The following GABBR2 variants were observed in gnomAD, a reference collection of about 807,000 sequenced individuals.
GABBR2 encodes the protein G-protein coupled receptor 51.
In GABBR2, 23 loss-of-function variants were observed where a neutral mutation model predicts 105.6. The ratio of observed to expected loss-of-function variants is 0.22; its 90% confidence interval spans 0.16 to 0.31. The LOEUF is 0.31. Ranked by LOEUF, GABBR2 falls within the 10% of genes least tolerant of loss-of-function variation. The probability of loss-of-function intolerance (pLI) is 1.00; values close to 1 mark genes in which losing one functional copy is unlikely to be tolerated. For synonymous variants in GABBR2, 478 were observed against 499.7 expected (o/e 0.96, Z 0.58); for missense variants, 734 against 1,245.5 (o/e 0.59, Z 6.18).
chr9:98,294,884 G>A (rs1348707052), intron 17 of GABBR2, among the ~76,000 whole-genome samples: 1 of 152,178 alleles, frequency 6.6e-6, no homozygotes, highest in South Asian at 2.1e-4. Context: ...ATAATATTGT[G>A]TAGCCACAAA....
chr9:98,359,245 C>T (rs561605447), intron 13 of GABBR2, among the ~76,000 whole-genome samples: 2 of 151,894 alleles, frequency 1.3e-5, no homozygotes, highest in African/African-American at 2.4e-5. Flanking sequence ...CTGGACAACA[C>T]GGTGAAAGCC....
At chr9:98,451,015 T>C (rs1286257994) in intron 7 of GABBR2, among the ~76,000 whole-genome samples, 1 of 152,220 alleles carries the variant, frequency 6.6e-6, no homozygotes, top group Non-Finnish European at 1.5e-5. Context: ...TTGGATACTT[T>C]GAATTCATTT....
intron 1 of GABBR2, among the ~76,000 whole-genome samples, chr9:98,658,214 C>T (rs1385126337): frequency 6.6e-6 from 1 of 152,190 alleles, no homozygotes; most frequent in Non-Finnish European, 1.5e-5. Flanking sequence ...TCTACCACCA[C>T]GGGCGGTTTC....
At chr9:98,505,763 C>A (rs1422200571) in intron 3 of GABBR2, among the ~76,000 whole-genome samples, 2 of 152,110 alleles carry the variant, frequency 1.3e-5, no homozygotes, top group Admixed American at 1.3e-4. Flanking sequence ...GCAAGGAGCA[C>A]CTGGAGCCAC....
intron 13 of GABBR2, among the ~76,000 whole-genome samples, chr9:98,332,712 T>A (rs1339890557): frequency 6.6e-6 from 1 of 152,186 alleles, no homozygotes; most frequent in African/African-American, 2.4e-5. Flanking sequence ...GAACATGCAA[T>A]CTCTCGTCAG....
At chr9:98,608,650 G>GA (rs916772980) in intron 1 of GABBR2, among the ~76,000 whole-genome samples, 7 of 151,652 alleles carry the variant, frequency 4.6e-5, no homozygotes, top group South Asian at 4.2e-4. Flanking sequence ...AATACACATG[G>GA]AAAAAAAACC....
intron 1 of GABBR2, among the ~76,000 whole-genome samples, chr9:98,663,862 T>C (rs1042520595): frequency 3.9e-5 from 6 of 152,116 alleles, no homozygotes; most frequent in African/African-American, 1.4e-4. Flanking sequence ...AATCATAAAC[T>C]GGGGAAAGAG....
chr9:98,567,468 C>G (rs1287049753), intron 2 of GABBR2, among the ~76,000 whole-genome samples: 1 of 152,192 alleles, frequency 6.6e-6, no homozygotes, highest in Non-Finnish European at 1.5e-5. Context: ...TGTAAGTTCT[C>G]TGTTTTAATT....
intron 1 of GABBR2, among the ~76,000 whole-genome samples, chr9:98,647,929 T>C (rs1047047169): frequency 1.1e-4 from 17 of 151,868 alleles, no homozygotes; most frequent in Non-Finnish European, 1.8e-4. Flanking sequence ...CACTGTCGAT[T>C]GAAATGGTCA....
intron 3 of GABBR2, among the ~76,000 whole-genome samples, chr9:98,499,162 A>C (rs963206772): frequency 1.3e-5 from 2 of 152,284 alleles, no homozygotes; most frequent in Non-Finnish European, 2.9e-5. Context: ...TGGAGTGATC[A>C]TTCCCAGGCA....
chr9:98,308,858 C>A (rs1299903169), intron 14 of GABBR2, among the ~76,000 whole-genome samples: 1 of 152,198 alleles, frequency 6.6e-6, no homozygotes, highest in Non-Finnish European at 1.5e-5. Flanking sequence ...TTATGACAGC[C>A]AAAGGAAACG....
intron 16 of GABBR2, among the ~76,000 whole-genome samples, chr9:98,299,807 A>G (rs1467059950): frequency 6.6e-6 from 1 of 152,138 alleles, no homozygotes; most frequent in Admixed American, 6.5e-5. Context: ...ATCAAACAAG[A>G]TAATACATGG....
At chr9:98,404,500 G>A (rs773388607) in intron 8 of GABBR2, among the ~76,000 whole-genome samples, 2 of 152,104 alleles carry the variant, frequency 1.3e-5, no homozygotes, top group Non-Finnish European at 2.9e-5. Context: ...CCTGGATGGC[G>A]CTGGGATCTG....
chr9:98,657,417 C>A (rs1273481101), intron 1 of GABBR2, among the ~76,000 whole-genome samples: 1 of 152,232 alleles, frequency 6.6e-6, no homozygotes, highest in Non-Finnish European at 1.5e-5. Context: ...ACACAGTGTG[C>A]CGTGGTCCAT....
intron 12 of GABBR2, among the ~76,000 whole-genome samples, chr9:98,371,090 A>ACC: frequency 6.6e-6 from 1 of 151,330 alleles, no homozygotes; most frequent in South Asian, 2.1e-4. Flanking sequence ...GCCCCTGACC[A>ACC]CCCTCCTCCC....
rs1297885687 is a variant in GABBR2, at chr9:98,436,329, TATAC to T, written c.1236+17648_1236+17651del. ...CCCATAAATATACCATATATATATATATACACACACACACACACCATATATATAT... is the reference window on the plus strand; with the variant it reads ...CCCATAAATATACCATATATATATATACACACACACACACCATATATATAT... On this transcript the variant is annotated intron_variant, in intron 7 of 18. Transcript: ENST00000259455. Among the ~76,000 whole-genome samples, 23 of 45,430 alleles carry T rather than the reference TATAC, an allele frequency of 5.1e-4. 1 individual carries two copies. The highest frequency in any genetic ancestry group is 9.4e-4 in the African/African-American group (9 of 9,524). The allele number at this position is 45,430 out of a possible 152,430, so 29.8% of individuals were successfully genotyped here.
At chr9:98,648,116 T>TATAGATAGATAGATAGATAGATAGATAG (rs1554723458) in intron 1 of GABBR2, among the ~76,000 whole-genome samples, 5 of 55,948 alleles carry the variant, frequency 8.9e-5, no homozygotes, top group Admixed American at 4.3e-4. Context: ...TGTGTGTGTG[T>TATAGATAGATAGATAGATAGATAGATAG]ATAGATAGAT....
intron 3 of GABBR2, among the ~76,000 whole-genome samples, chr9:98,527,423 T>C (rs1403743678): frequency 6.6e-6 from 1 of 152,158 alleles, no homozygotes; most frequent in African/African-American, 2.4e-5. Context: ...AGCAAGTTTA[T>C]TCTTGCTCCA....
At chr9:98,503,496 G>A (rs1827445564) in intron 3 of GABBR2, among the ~76,000 whole-genome samples, 1 of 152,160 alleles carries the variant, frequency 6.6e-6, no homozygotes, top group Non-Finnish European at 1.5e-5. Flanking sequence ...AGGGACATGA[G>A]GGGAAGAGGA....
Sources: gnomAD v4.1 joint callset for allele counts (sites outside exome capture counted in the v4.1 genomes callset) on GRCh38, gnomAD v4.1.1 for gene constraint, MANE v1.5 for transcripts, NCBI Gene and HGNC (gene_info 2026-07-23, HGNC 2026-07-21) for gene names.